Variants in SFI1 observed in about 807,000 individuals in gnomAD.
SFI1 encodes the protein SFI1 centrin binding protein.
A neutral mutation model predicts 207.5 loss-of-function variants in SFI1; 195 were observed. The observed-to-expected ratio is 0.94, with a 90% CI of 0.84 to 1.06. The LOEUF is 1.06. Ranked by LOEUF, SFI1 falls within the 50% of genes least tolerant of loss-of-function variation. The probability of loss-of-function intolerance (pLI) is 0.00; values close to 1 mark genes in which losing one functional copy is unlikely to be tolerated. For missense variants in SFI1, 1,634 were observed against 1,588.0 expected, an observed-to-expected ratio of 1.03 and a Z score of -0.49; for synonymous variants, 630 against 598.9, an observed-to-expected ratio of 1.05 and a Z score of -0.76.
At chr22:31,580,466 C>T (rs201025262) in intron 12 of SFI1, 102 bp downstream of exon 12, 48 of 493,860 alleles carry the variant, frequency 9.7e-5, no homozygotes, top group Admixed American at 5.4e-4. Flanking sequence ...TTTAAAAAAA[C>T]TTTTTGTGCT....
chr22:31,615,321 T>C, intron 29 of SFI1, 42 bp downstream of exon 29: 1 of 1,424,420 alleles, frequency 7.0e-7, no homozygotes, highest in South Asian at 1.5e-5. Flanking sequence ...GGGCTCTCAC[T>C]CTGGTCTGAC....
chr22:31,532,134 C>T (rs887296169), intron 4 of SFI1, among the ~76,000 whole-genome samples: 1 of 152,082 alleles, frequency 6.6e-6, no homozygotes, highest in African/African-American at 2.4e-5. Context: ...GATAAGATCT[C>T]TCTGGGAAAA....
At chr22:31,541,922 G>A (rs1261188848) in intron 4 of SFI1, among the ~76,000 whole-genome samples, 1 of 151,646 alleles carries the variant, frequency 6.6e-6, no homozygotes, top group Admixed American at 6.6e-5. Context: ...CTAACATGGT[G>A]AAACCCCGTC....
At chr22:31,564,130 A>G (rs2062010740) in intron 8 of SFI1, among the ~76,000 whole-genome samples, 1 of 151,666 alleles carries the variant, frequency 6.6e-6, no homozygotes, top group African/African-American at 2.4e-5. Context: ...GATGGAGACC[A>G]TCCTGGCTAA....
chr22:31,545,319 C>A (rs1014599661), intron 4 of SFI1, among the ~76,000 whole-genome samples: 5 of 149,840 alleles, frequency 3.3e-5, no homozygotes, highest in African/African-American at 1.2e-4. Context: ...GAACCGAGAT[C>A]ACACCATTGC....
At chr22:31,595,119 C>G (rs1478432181) in intron 15 of SFI1, among the ~76,000 whole-genome samples, 2 of 152,110 alleles carry the variant, frequency 1.3e-5, no homozygotes, top group Non-Finnish European at 2.9e-5. Flanking sequence ...GCCTCAGCCT[C>G]CCAAGTAGCT....
At chr22:31,608,470 C>T (rs762176482) in intron 22 of SFI1, among the ~76,000 whole-genome samples, 2 of 152,128 alleles carry the variant, frequency 1.3e-5, no homozygotes, top group African/African-American at 2.4e-5. Flanking sequence ...CCAATTACAT[C>T]TGCAGTGAGC....
intron 8 of SFI1, among the ~76,000 whole-genome samples, chr22:31,570,464 T>G (rs2062836361): frequency 6.6e-6 from 1 of 152,176 alleles, no homozygotes; most frequent in East Asian, 1.9e-4. Flanking sequence ...TTCAGCCTGA[T>G]AGGCCTTTTG....
At chr22:31,514,618 C>T (rs918072181) in intron 2 of SFI1, among the ~76,000 whole-genome samples, 1 of 151,788 alleles carries the variant, frequency 6.6e-6, no homozygotes, top group Non-Finnish European at 1.5e-5. Context: ...CTTTGGTAAC[C>T]ACCATTCTCC....
chr22:31,594,200 TC>T (rs1003297917), intron 15 of SFI1, among the ~76,000 whole-genome samples: 24 of 152,300 alleles, frequency 1.6e-4, no homozygotes, highest in African/African-American at 5.5e-4. Context: ...AACACTTAGT[TC>T]CTGTTCTGCT....
intron 15 of SFI1, among the ~76,000 whole-genome samples, chr22:31,591,573 C>T (rs1388410767): frequency 6.5e-5 from 9 of 138,074 alleles, no homozygotes; most frequent in Non-Finnish European, 1.1e-4. Flanking sequence ...ACCTCCCGGA[C>T]GGGGCGGCTG....
Position 31,603,819 on chromosome 22 carries a change from G to A in SFI1, c.1881G>A (p.Glu627=). The part of the protein sequence containing the change: ...LLRWAWSQWR[E]CLALRGAERQ... ...GTTGGGCCTGGAGCCAGTGGAGGGA[G>A]GTAAGGCTTTGGTGCGAGGTGCCAC... Residue 627 remains glutamate (E), a splice_region_variant and synonymous_variant, in exon 18 of 33, where the codon GAG becomes GAA. Coordinates refer to ENST00000400288, the MANE Select transcript of SFI1 (RefSeq NM_001007467.3). The A allele has an allele frequency of 1.9e-6, 3 of 1,574,288 alleles. No homozygotes were observed. Among genetic ancestry groups the A allele is most frequent in the East Asian group, 2.4e-5 (1 of 41,770 alleles).
chr22:31,604,380 G>A lies in SFI1; in HGVS notation c.1953G>A (p.Leu651=), dbSNP rs61738369. 8,747 of 1,562,416 alleles carry A rather than the reference G, an allele frequency of 5.6e-3. 47 individuals carry two copies. The highest frequency in any genetic ancestry group is 0.014 in the South Asian group (1,161 of 84,982). ...ACCTGCACCACCAGCACAGCGTGCT[G>A]CACAGGGCGCTGCAGGCATGGGTGG... The part of the protein sequence containing the change: ...RADLHHQHSV[L]HRALQAWVTY... Residue 651 remains leucine (L), a synonymous_variant, in exon 19 of 33, where the codon CTG becomes CTA. Coordinates refer to ENST00000400288, the MANE Select transcript of SFI1 (RefSeq NM_001007467.3).
At chr22:31,583,358 A>C (rs1338594929) in intron 12 of SFI1, among the ~76,000 whole-genome samples, 2 of 152,006 alleles carry the variant, frequency 1.3e-5, no homozygotes, top group African/African-American at 4.8e-5. Flanking sequence ...CAGGTGATCC[A>C]CCCGCCTTGG....
chr22:31,511,483 T>C (rs2055535979), intron 2 of SFI1, among the ~76,000 whole-genome samples: 1 of 117,112 alleles, frequency 8.5e-6, no homozygotes, highest in African/African-American at 3.2e-5. Context: ...TTTTTTTTTT[T>C]TTTGAGATGG....
intron 15 of SFI1, among the ~76,000 whole-genome samples, chr22:31,594,854 CAAA>C (rs67157514): frequency 2.6e-5 from 2 of 76,810 alleles, no homozygotes. Flanking sequence ...GACTCTGTCT[CAAA>C]AAAAAAAAAA....
At chr22:31,600,656 C>A (rs975285870) in intron 15 of SFI1, among the ~76,000 whole-genome samples, 3 of 152,204 alleles carry the variant, frequency 2.0e-5, no homozygotes, top group African/African-American at 7.2e-5. Context: ...GTCTTTGCCT[C>A]CTCAGCTCAC....
intron 6 of SFI1, among the ~76,000 whole-genome samples, chr22:31,554,298 CTTTTTCT>C (rs891570246): frequency 5.3e-5 from 8 of 151,688 alleles, no homozygotes; most frequent in Admixed American, 3.3e-4. Context: ...TTTATTATTT[CTTTTTCT>C]TTTTTCTTTT....
chr22:31,542,650 ATTAT>A (rs925180983), intron 4 of SFI1, among the ~76,000 whole-genome samples: 17 of 151,608 alleles, frequency 1.1e-4, no homozygotes, highest in Middle Eastern at 3.4e-3. Context: ...TATAAATACT[ATTAT>A]TTATTTATTT....
Sources: allele counts gnomAD v4.1 joint callset (sites outside exome capture counted in the v4.1 genomes callset), GRCh38; gene constraint gnomAD v4.1.1; transcripts MANE v1.5; gene names NCBI Gene and HGNC (gene_info 2026-07-23, HGNC 2026-07-21).